ST6GALNAC3: variants seen among roughly 807,000 people sequenced by gnomAD.
ST6GALNAC3 encodes ST6 N-acetylgalactosaminide alpha-2,6-sialyltransferase 3.
Under a neutral mutation model 32.7 loss-of-function variants are expected in ST6GALNAC3, and 25 were observed. That is an observed-to-expected ratio of 0.76 (90% confidence interval 0.56 to 1.07). The LOEUF (loss-of-function observed/expected upper bound fraction) is 1.07, where lower values mean the gene tolerates loss of function less well. Among genes scored for constraint, ST6GALNAC3 ranks in the 50% least tolerant of loss-of-function variants. The pLI, the probability that ST6GALNAC3 is intolerant of heterozygous loss-of-function variation, is 0.00. For synonymous variants in ST6GALNAC3, 129 were observed against 133.1 expected (o/e 0.97, Z 0.21); for missense variants, 355 against 382.4 (o/e 0.93, Z 0.60).
chr1:76,612,061 A>T (rs1049597938), intron 3 of ST6GALNAC3, among the ~76,000 whole-genome samples: 1 of 152,152 alleles, frequency 6.6e-6, no homozygotes, highest in Non-Finnish European at 1.5e-5. Flanking sequence ...ATGGGAAAAC[A>T]TATTTTTCTC....
intron 3 of ST6GALNAC3, among the ~76,000 whole-genome samples, chr1:76,559,457 G>A (rs34418089): frequency 0.059 from 9,034 of 152,162 alleles, 292 homozygotes; most frequent in Middle Eastern, 0.085. Context: ...CATGGAGTAG[G>A]CAATTACTTT....
At chr1:76,412,452 A>T in intron 3 of ST6GALNAC3, 35 bp downstream of exon 3, 3 of 1,541,576 alleles carry the variant, frequency 1.9e-6, no homozygotes, top group Non-Finnish European at 2.6e-6. Context: ...ATTGTCTTTT[A>T]TTATCTTTTA....
chr1:76,167,717 G>A (rs1004088799), intron 1 of ST6GALNAC3, among the ~76,000 whole-genome samples: 2 of 152,142 alleles, frequency 1.3e-5, no homozygotes, highest in Non-Finnish European at 2.9e-5. Flanking sequence ...AGTCTTGGGA[G>A]GGTGTATATG....
chr1:76,182,841 ATT>A (rs60876646), intron 1 of ST6GALNAC3, among the ~76,000 whole-genome samples: 29,813 of 148,814 alleles, frequency 0.2, 3,044 homozygotes, highest in African/African-American at 0.22. Context: ...TACCTTCATA[ATT>A]TTTTTTTTTT....
intron 3 of ST6GALNAC3, among the ~76,000 whole-genome samples, chr1:76,511,310 C>T (rs1661843147): frequency 6.6e-6 from 1 of 152,184 alleles, no homozygotes; most frequent in Non-Finnish European, 1.5e-5. Flanking sequence ...GACCTCACCT[C>T]CACCTTCTCT....
intron 1 of ST6GALNAC3, among the ~76,000 whole-genome samples, chr1:76,125,542 T>A (rs184432053): frequency 2.6e-5 from 4 of 152,332 alleles, no homozygotes; most frequent in Non-Finnish European, 1.5e-5. Flanking sequence ...CTTTTTTAAC[T>A]GGCAGGGCAA....
At chr1:76,417,408 T>A (rs1481818073) in intron 3 of ST6GALNAC3, among the ~76,000 whole-genome samples, 1 of 152,120 alleles carries the variant, frequency 6.6e-6, no homozygotes, top group Non-Finnish European at 1.5e-5. Flanking sequence ...CCCCTTTGAA[T>A]GATTGGTATG....
intron 1 of ST6GALNAC3, among the ~76,000 whole-genome samples, chr1:76,290,081 T>G (rs1659995053): frequency 6.6e-6 from 1 of 152,234 alleles, no homozygotes; most frequent in African/African-American, 2.4e-5. Context: ...TAGTTACACA[T>G]GTAGTAAAGA....
chr1:76,391,617 T>TTCC (rs1652572848), intron 2 of ST6GALNAC3, among the ~76,000 whole-genome samples: 1 of 70,092 alleles, frequency 1.4e-5, no homozygotes, highest in Non-Finnish European at 2.9e-5. Context: ...CTTCCCTTCC[T>TTCC]TTTCTTTTCC....
chr1:76,523,529 C>A (rs1257020108), intron 3 of ST6GALNAC3, among the ~76,000 whole-genome samples: 1 of 152,132 alleles, frequency 6.6e-6, no homozygotes, highest in Non-Finnish European at 1.5e-5. Flanking sequence ...CTTAATTTAT[C>A]CAGGAATAGG....
At chr1:76,523,095 T>C (rs1221780280) in intron 3 of ST6GALNAC3, among the ~76,000 whole-genome samples, 4 of 152,168 alleles carry the variant, frequency 2.6e-5, no homozygotes, top group Non-Finnish European at 5.9e-5. Flanking sequence ...CCTTGATATC[T>C]GTTCTTTTTC....
chr1:76,213,719 TG>T (rs1655299679), intron 1 of ST6GALNAC3, among the ~76,000 whole-genome samples: 1 of 151,260 alleles, frequency 6.6e-6, no homozygotes, highest in Non-Finnish European at 1.5e-5. Flanking sequence ...TAGTGGCAGG[TG>T]TCTATTCTTC....
At chr1:76,258,065 A>G (rs1328995150) in intron 1 of ST6GALNAC3, among the ~76,000 whole-genome samples, 2 of 152,216 alleles carry the variant, frequency 1.3e-5, no homozygotes, top group Non-Finnish European at 2.9e-5. Context: ...CATAAAGGCA[A>G]TAAGCATATT....
intron 3 of ST6GALNAC3, among the ~76,000 whole-genome samples, chr1:76,495,144 T>C (rs1660773171): frequency 6.6e-6 from 1 of 152,122 alleles, no homozygotes; most frequent in African/African-American, 2.4e-5. Context: ...CTCACAGACA[T>C]GCCCAGGATA....
In ST6GALNAC3 at chr1:76,509,044, A is replaced by T. The variant is rs1036050794; in HGVS notation, c.623+96627A>T. ...CTTCTAACATGAGTCTAAGAGTTGA[A>T]CAGCTTGTCATTTTTCAACTCGTCG... On this transcript the variant is annotated intron_variant, in intron 3 of 4. Coordinates refer to ENST00000328299, the MANE Select transcript of ST6GALNAC3 (RefSeq NM_152996.4). This position sits in a 1 kb window ranked among gnomAD's most constrained non-coding sequence, Gnocchi z 5.5. Among the ~76,000 whole-genome samples the T allele has an allele frequency of 6.6e-6, 1 of 152,216 alleles. No homozygotes were observed. The highest frequency in any genetic ancestry group is 2.4e-5 in the African/African-American group (1 of 41,452).
In ST6GALNAC3 at chr1:76,189,104, A is replaced by G. The variant is rs542355850; in HGVS notation, c.18+114220A>G. 3.9e-5 allele frequency among the ~76,000 whole-genome samples: 6 copies of G among 152,360 alleles called. No individual in the cohort carries two copies. In the East Asian group the frequency reaches 9.6e-4, roughly 24 times the overall value. On this transcript the variant is annotated intron_variant, in intron 1 of 4. Coordinates refer to ENST00000328299, the MANE Select transcript of ST6GALNAC3 (RefSeq NM_152996.4). ...TCTCTGGTAGAGTTGGATGGGGCCA[A>G]GAGGGTATAAGTCTTACTCCTTCTT...
At chr1:76,144,068 A>G (rs1217439484) in intron 1 of ST6GALNAC3, among the ~76,000 whole-genome samples, 1 of 152,206 alleles carries the variant, frequency 6.6e-6, no homozygotes. Context: ...TAGCATGTGG[A>G]AATGCTCAGT....
intron 3 of ST6GALNAC3, among the ~76,000 whole-genome samples, chr1:76,512,988 G>T (rs1190500960): frequency 4.6e-5 from 7 of 150,884 alleles, no homozygotes; most frequent in Non-Finnish European, 8.9e-5. Flanking sequence ...GGTATATTGG[G>T]TTTTTTTTCT....
At chr1:76,394,879 T>G (rs1652826100) in intron 2 of ST6GALNAC3, among the ~76,000 whole-genome samples, 1 of 152,186 alleles carries the variant, frequency 6.6e-6, no homozygotes, top group African/African-American at 2.4e-5. Context: ...AAGGACAAGA[T>G]TCCAAGGCTC....
Sources: allele counts gnomAD v4.1 joint callset (sites outside exome capture counted in the v4.1 genomes callset), GRCh38; gene constraint gnomAD v4.1.1; non-coding constraint Gnocchi (gnomAD v3.1); transcripts MANE v1.5; gene names NCBI Gene and HGNC (gene_info 2026-07-23, HGNC 2026-07-21).